BTBD3: variants seen among roughly 807,000 people sequenced by gnomAD.
The protein encoded by BTBD3 is BTB domain containing 3.
BTBD3 carries 14 observed loss-of-function variants against 41.6 expected under a neutral mutation model. The ratio of observed to expected loss-of-function variants is 0.34; its 90% confidence interval spans 0.22 to 0.53. The LOEUF is 0.53. BTBD3 is among the 20% of genes least tolerant of loss of function. The pLI is 0.95. For synonymous variants in BTBD3, 249 were observed against 233.7 expected (o/e 1.07, Z -0.60); for missense variants, 426 against 654.7 (o/e 0.65, Z 3.81).
chr20:11,897,009 T>A (rs1381022011), intron 1 of BTBD3, among the ~76,000 whole-genome samples: 1 of 152,198 alleles, frequency 6.6e-6, no homozygotes, highest in Non-Finnish European at 1.5e-5. Context: ...CCTCCTTTTT[T>A]AATATTCTTC....
chr20:11,897,448 G>T (rs2056793884), intron 1 of BTBD3, among the ~76,000 whole-genome samples: 1 of 131,916 alleles, frequency 7.6e-6, no homozygotes. Context: ...CACCAACCTA[G>T]TGGGTGTTAG....
intron 1 of BTBD3, among the ~76,000 whole-genome samples, chr20:11,905,755 T>G (rs2122220933): frequency 6.6e-6 from 1 of 152,282 alleles, no homozygotes; most frequent in South Asian, 2.1e-4. Context: ...GGAGCCATTT[T>G]TATCTTTTTT....
At position 11,918,474 on chromosome 20, in the gene BTBD3, T is replaced by G. The variant is rs2056936775; in HGVS notation, c.199T>G (p.Phe67Val). The G allele has an allele frequency of 3.1e-6, 5 of 1,614,028 alleles. No homozygotes were observed. Among genetic ancestry groups the G allele is most frequent in the South Asian group, 1.1e-5 (1 of 91,088 alleles). Residue 67 changes from phenylalanine to valine, a missense_variant, in exon 1 of 4, where the codon TTC becomes GTC. Phe to Val is a conservative substitution (Grantham distance 50, BLOSUM62 -1). Transcript: ENST00000378226. The stretch of plus-strand genomic sequence containing the variant: ...AAAGAAGAAGATGGCTGCTGATATA[T>G]TCCCCCGTAAAAAGCCAGCCAACTC... Reference protein sequence around the residue: ...TKKKKMAADIFPRKKPANSSS... With the variant: ...TKKKKMAADIVPRKKPANSSS...
intron 1 of BTBD3, chr20:11,910,381 T>A (rs2056882145): frequency 6.6e-6 from 1 of 152,250 alleles, no homozygotes; most frequent in African/African-American, 2.4e-5. Flanking sequence ...GGTGAGGTTG[T>A]TCCATTCCAG....
rs548725455 is a variant in BTBD3 at position 11,918,152 on chromosome 20, G to A, written c.-124G>A. 48 of 1,483,358 alleles carry A rather than the reference G, an allele frequency of 3.2e-5. No homozygotes were observed. The highest frequency in any genetic ancestry group is 2.4e-4 in the Middle Eastern group (1 of 4,122). The allele number at this position is 1,483,358 out of a possible 1,614,324, so 91.9% of individuals were successfully genotyped here. On this transcript the variant is annotated 5_prime_UTR_variant, in exon 1 of 4. Transcript: ENST00000378226. The stretch of plus-strand genomic sequence containing the variant: ...AGTGAAAAGGTCACCTTGCCTGGCT[G>A]AGAAAAGCAGCAAAATATCAGCTTT...
upstream of BTBD3, among the ~76,000 whole-genome samples, chr20:11,913,838 G>T (rs1207718072): frequency 6.6e-6 from 1 of 152,180 alleles, no homozygotes; most frequent in African/African-American, 2.4e-5. Context: ...CTTAAATTCT[G>T]TGGATAATTT....
chr20:11,919,224 G>C, intron 2 of BTBD3, 48 bp downstream of exon 2: 1 of 1,547,748 alleles, frequency 6.5e-7, no homozygotes, highest in Non-Finnish European at 8.9e-7. Flanking sequence ...TTACAAAGAG[G>C]GACCCTTTCC....
chr20:11,923,133 A>G lies in BTBD3; in HGVS notation c.1036A>G (p.Asn346Asp). 6.2e-7 allele frequency: 1 copy of G among 1,614,140 alleles called. No individual in the cohort carries two copies. The highest frequency in any genetic ancestry group is 1.1e-5 in the South Asian group (1 of 91,086). ...CGGGGTATTAACTCTCAATGAGACC[A>G]ACGACATCTTCCTCTGGTATACTGC... ...QSGVLTLNET[N>D]DIFLWYTAAK... Residue 346 changes from asparagine (N) to aspartate (D), a missense_variant, in exon 4 of 4, where the codon AAC (asparagine) becomes GAC (aspartate). Transcript: ENST00000378226. The surrounding 1 kb of genome is among the most constrained non-coding windows in gnomAD (Gnocchi z 5.3).
chr20:11,919,871 T>G (rs752640599), intron 3 of BTBD3, 35 bp downstream of exon 3: 1 of 1,557,194 alleles, frequency 6.4e-7, no homozygotes, highest in South Asian at 1.1e-5. Flanking sequence ...AAGAGTTTGT[T>G]TATGCTGTAT....
chr20:11,915,266 G>A (rs1440932034), upstream of BTBD3, among the ~76,000 whole-genome samples: 1 of 152,156 alleles, frequency 6.6e-6, no homozygotes, highest in Non-Finnish European at 1.5e-5. Context: ...GTCCCTCTCA[G>A]TTGGCTGTCT....
intron 1 of BTBD3, among the ~76,000 whole-genome samples, chr20:11,898,333 T>G (rs939875204): frequency 6.6e-6 from 1 of 152,046 alleles, no homozygotes; most frequent in Non-Finnish European, 1.5e-5. Flanking sequence ...TGCACTGGAC[T>G]TTTTCCTCTG....
chr20:11,917,969 C>CT lies in BTBD3; in HGVS notation c.-306dup. The CT allele has an allele frequency of 2.8e-6, 3 of 1,076,328 alleles. No homozygotes were observed. Among genetic ancestry groups the CT allele is most frequent in the Non-Finnish European group, 2.3e-6 (2 of 887,728 alleles). 66.7% of individuals were successfully genotyped at this position (1,076,328 alleles called of 1,614,324 possible). On this transcript the variant is annotated 5_prime_UTR_variant, in exon 1 of 4. Coordinates refer to ENST00000378226, the MANE Select transcript of BTBD3 (RefSeq NM_014962.4). Reference sequence around the variant, plus strand: ...GCTGACCTAATTCAGAAAAGAAGTGCTACAGCTCTGTGCCTGTCATCTTTG... The same window carrying CT: ...GCTGACCTAATTCAGAAAAGAAGTGCTTACAGCTCTGTGCCTGTCATCTTTG...
At chr20:11,906,254 C>CTTTTTTGTTTTTTTTT (rs2056853342) in intron 1 of BTBD3, among the ~76,000 whole-genome samples, 1 of 36,194 alleles carries the variant, frequency 2.8e-5, no homozygotes, top group African/African-American at 1.1e-4. Flanking sequence ...ATTATTACTC[C>CTTTTTTGTTTTTTTTT]TTTTTTTTTT....
chr20:11,909,203 G>A (rs904895113), intron 1 of BTBD3, among the ~76,000 whole-genome samples: 1 of 151,886 alleles, frequency 6.6e-6, no homozygotes, highest in African/African-American at 2.4e-5. Flanking sequence ...GAACCCTGGA[G>A]GCGGAGGTTG....
chr20:11,904,091 T>G (rs2056839330), intron 1 of BTBD3, among the ~76,000 whole-genome samples: 1 of 152,206 alleles, frequency 6.6e-6, no homozygotes, highest in Admixed American at 6.5e-5. Context: ...ATTAAGAATT[T>G]TTTTTGTTAA....
chr20:11,919,953 G>T (rs1341358838), intron 3 of BTBD3, 117 bp downstream of exon 3: 1 of 874,870 alleles, frequency 1.1e-6, no homozygotes, highest in African/African-American at 1.7e-5. Context: ...AAGAAAGAGG[G>T]TGCTGCTTAC....
chr20:11,911,600 T>G (rs2056889960), intron 1 of BTBD3, among the ~76,000 whole-genome samples: 1 of 152,192 alleles, frequency 6.6e-6, no homozygotes, highest in Admixed American at 6.5e-5. Flanking sequence ...CTCATAATGT[T>G]TTAAGAAAGG....
At chr20:11,919,227 C>T (rs2056943859) in intron 2 of BTBD3, 51 bp downstream of exon 2, 1 of 1,536,208 alleles carries the variant, frequency 6.5e-7, no homozygotes, top group Admixed American at 1.8e-5. Flanking sequence ...CAAAGAGGGA[C>T]CCTTTCCATA....
chr20:11,919,072 G>T lies in BTBD3; in HGVS notation c.327-14G>T. The T allele has an allele frequency of 6.3e-7, 1 of 1,599,472 alleles. No homozygotes were observed. The highest frequency in any genetic ancestry group is 8.6e-7 in the Non-Finnish European group (1 of 1,168,530). ...GCAGGCTGCTGTGAATTAATGAGTT[G>T]CCTCTGTTTATAGAAATGCGATGAT... is the stretch of plus-strand genomic sequence containing the variant. On this transcript the variant is annotated splice_polypyrimidine_tract_variant and intron_variant, in intron 1 of 3. Coordinates refer to ENST00000378226, the MANE Select transcript of BTBD3 (RefSeq NM_014962.4).
Sources: gnomAD v4.1 joint callset for allele counts (sites outside exome capture counted in the v4.1 genomes callset) on GRCh38, gnomAD v4.1.1 for gene constraint, Gnocchi (gnomAD v3.1) non-coding constraint, MANE v1.5 for transcripts, NCBI Gene and HGNC (gene_info 2026-07-23, HGNC 2026-07-21) for gene names.